MCF2L2: variants seen among roughly 807,000 people sequenced by gnomAD.
MCF2L2 encodes the protein probable guanine nucleotide exchange factor MCF2L2.
In MCF2L2, 102 loss-of-function variants were observed where a neutral mutation model predicts 150.2. The observed-to-expected ratio is 0.68, with a 90% confidence interval of 0.58 to 0.80. The LOEUF (loss-of-function observed/expected upper bound fraction) is 0.80. Among genes scored for constraint, MCF2L2 ranks in the 30% least tolerant of loss-of-function variants. The pLI, the probability that MCF2L2 is intolerant of heterozygous loss-of-function variation, is 0.00. For missense variants in MCF2L2, 1,256 were observed against 1,372.8 expected, an observed-to-expected ratio of 0.91 and a Z score of 1.34; for synonymous variants, 465 against 491.3, an observed-to-expected ratio of 0.95 and a Z score of 0.71.
intron 3 of MCF2L2, among the ~76,000 whole-genome samples, chr3:183,356,815 G>A (rs1379756467): frequency 6.6e-6 from 1 of 152,128 alleles, no homozygotes; most frequent in Non-Finnish European, 1.5e-5. Context: ...AGCCAATCTA[G>A]AAACAATGAA....
intron 2 of MCF2L2, among the ~76,000 whole-genome samples, chr3:183,382,617 A>G (rs1198029256): frequency 1.3e-5 from 2 of 152,208 alleles, no homozygotes; most frequent in African/African-American, 2.4e-5. Flanking sequence ...ATGCAATAGG[A>G]AGAAAGAATA....
At chr3:183,289,523 G>C (rs141124350) in intron 13 of MCF2L2, among the ~76,000 whole-genome samples, 1 of 152,278 alleles carries the variant, frequency 6.6e-6, no homozygotes, top group Admixed American at 6.5e-5. Context: ...GTAAAGAATA[G>C]TAGATTTTCT....
chr3:183,239,409 T>A (rs1440235849), intron 15 of MCF2L2, among the ~76,000 whole-genome samples: 1 of 151,944 alleles, frequency 6.6e-6, no homozygotes, highest in African/African-American at 2.4e-5. Context: ...TGACACCTCA[T>A]GCTTGTTTCA....
intron 3 of MCF2L2, among the ~76,000 whole-genome samples, chr3:183,356,846 T>C (rs752718971): frequency 3.3e-5 from 5 of 152,202 alleles, no homozygotes; most frequent in Non-Finnish European, 4.4e-5. Context: ...AAAAAGTTTA[T>C]ATTTTTTCTA....
At chr3:183,269,789 T>G in intron 15 of MCF2L2, 1 of 1,591,320 alleles carries the variant, frequency 6.3e-7, no homozygotes, top group Non-Finnish European at 8.5e-7. Context: ...AAAAACAGAC[T>G]TGAGTGGATA....
chr3:183,221,121 G>A (rs1173223534), intron 20 of MCF2L2, among the ~76,000 whole-genome samples: 1 of 152,194 alleles, frequency 6.6e-6, no homozygotes, highest in Non-Finnish European at 1.5e-5. Context: ...TTACAAGGTC[G>A]TTCCTTTCTT....
At chr3:183,350,043 C>T (rs1045987577) in intron 3 of MCF2L2, among the ~76,000 whole-genome samples, 2 of 152,146 alleles carry the variant, frequency 1.3e-5, no homozygotes, top group Non-Finnish European at 2.9e-5. Context: ...ATATGGTCTC[C>T]CCGGCCAAAC....
chr3:183,259,049 G>C (rs6782290), intron 15 of MCF2L2, among the ~76,000 whole-genome samples: 28,301 of 152,056 alleles, frequency 0.19, 6,705 homozygotes, highest in African/African-American at 0.56. Context: ...AAATGTTTTT[G>C]ATCTGTAGTT....
At chr3:183,261,814 G>T (rs1002269643) in intron 15 of MCF2L2, among the ~76,000 whole-genome samples, 2 of 151,540 alleles carry the variant, frequency 1.3e-5, no homozygotes, top group Non-Finnish European at 2.9e-5. Flanking sequence ...TTCTGGGTTT[G>T]TTCTTGTTTT....
Position 183,180,360 on chromosome 3 carries a change from A to C in MCF2L2, c.3017-201T>G, listed in dbSNP as rs41452644. 1.2e-3 allele frequency: 628 copies of C among 518,036 alleles called. 7 individuals carry two copies. In the East Asian group the frequency reaches 0.019, roughly 16 times the overall value. The allele number at this position is 518,036 out of a possible 1,614,324, so 32.1% of individuals were successfully genotyped here. On this transcript the variant is annotated intron_variant, in intron 27 of 29. Transcript: ENST00000328913. ...TGCTTTTCCAGCGCCGAGATGCCGTAATTCACCGAGAAGGCGCGTCCACAT... is the reference window on the plus strand; with the variant it reads ...TGCTTTTCCAGCGCCGAGATGCCGTCATTCACCGAGAAGGCGCGTCCACAT...
At chr3:183,412,272 ATTGTTTGT>A (rs543942827) in intron 1 of MCF2L2, among the ~76,000 whole-genome samples, 2 of 149,810 alleles carry the variant, frequency 1.3e-5, no homozygotes, top group African/African-American at 2.5e-5. Context: ...CTCTTCTCTA[ATTGTTTGT>A]TTGTTTGTTT....
chr3:183,225,394 C>T (rs1031673547), intron 18 of MCF2L2: 1 of 152,170 alleles, frequency 6.6e-6, no homozygotes, highest in Non-Finnish European at 1.5e-5. Flanking sequence ...CTAAATTGCT[C>T]TTCTAAAGGC....
intron 11 of MCF2L2, chr3:183,298,765 G>GCGCACGCGCACACACACACACACA: frequency 1.6e-4 from 22 of 138,498 alleles, no homozygotes; most frequent in African/African-American, 6.4e-4. Context: ...AAACACACAT[G>GCGCACGCGCACACACACACACACA]CACACACACA....
chr3:183,408,065 A>C (rs1359381948), intron 1 of MCF2L2, among the ~76,000 whole-genome samples: 1 of 152,122 alleles, frequency 6.6e-6, no homozygotes, highest in Non-Finnish European at 1.5e-5. Flanking sequence ...CTGTGTTGCT[A>C]GACGGTAAAC....
intron 3 of MCF2L2, among the ~76,000 whole-genome samples, chr3:183,347,286 C>G (rs1730937538): frequency 6.6e-6 from 1 of 152,080 alleles, no homozygotes; most frequent in Non-Finnish European, 1.5e-5. Context: ...ATGAACCTGA[C>G]AAAAACAAAG....
chr3:183,247,106 G>GGTACTAATT (rs1398898202), intron 15 of MCF2L2, among the ~76,000 whole-genome samples: 4 of 152,310 alleles, frequency 2.6e-5, no homozygotes, highest in African/African-American at 9.6e-5. Flanking sequence ...GACGAGAGTA[G>GGTACTAATT]GTACTAATTG....
chr3:183,278,958 A>G (rs1282593095), intron 14 of MCF2L2, among the ~76,000 whole-genome samples: 1 of 152,202 alleles, frequency 6.6e-6, no homozygotes, highest in East Asian at 1.9e-4. Context: ...AGGTAGAGGG[A>G]GTCTCCTCTG....
chr3:183,238,230 AT>A (rs535356004), intron 15 of MCF2L2, among the ~76,000 whole-genome samples: 1 of 137,808 alleles, frequency 7.3e-6, no homozygotes. Context: ...ACGTTATGAG[AT>A]TTTTTTTGCG....
At chr3:183,425,896 A>C (rs1419746938) in intron 1 of MCF2L2, among the ~76,000 whole-genome samples, 1 of 152,012 alleles carries the variant, frequency 6.6e-6, no homozygotes, top group Non-Finnish European at 1.5e-5. Context: ...CGGAGGTTGC[A>C]GTGAGTCGAG....
Sources: allele counts gnomAD v4.1 joint callset (sites outside exome capture counted in the v4.1 genomes callset), GRCh38; gene constraint gnomAD v4.1.1; transcripts MANE v1.5; gene names NCBI Gene and HGNC (gene_info 2026-07-23, HGNC 2026-07-21).